ZBP1: variants seen among roughly 807,000 people sequenced by gnomAD.
ZBP1 encodes Z-DNA-binding protein 1.
Under a neutral mutation model 41.1 loss-of-function variants are expected in ZBP1, and 42 were observed. That is an observed-to-expected ratio of 1.02 (90% CI 0.80 to 1.32). ZBP1 has a LOEUF of 1.32. ZBP1 is among the 40% of genes most tolerant of loss of function. The pLI, the probability that ZBP1 is intolerant of heterozygous loss-of-function variation, is 0.00. For missense variants in ZBP1, 562 were observed against 549.7 expected (o/e 1.02, Z -0.22); for synonymous variants, 214 against 205.2 (o/e 1.04, Z -0.37).
At chr20:57,607,120 T>C in intron 7 of ZBP1, 4 of 1,304,298 alleles carry the variant, frequency 3.1e-6, no homozygotes, top group Non-Finnish European at 4.0e-6. Flanking sequence ...ATTCCTCAGA[T>C]GGATCTGGGC....
intron 7 of ZBP1, among the ~76,000 whole-genome samples, chr20:57,609,895 T>A (rs1451541575): frequency 6.6e-6 from 1 of 152,198 alleles, no homozygotes; most frequent in Non-Finnish European, 1.5e-5. Flanking sequence ...TGCTTCAGGC[T>A]ATTCTTGCCA....
At chr20:57,608,943 A>G (rs1406186312) in intron 7 of ZBP1, among the ~76,000 whole-genome samples, 2 of 152,194 alleles carry the variant, frequency 1.3e-5, no homozygotes, top group Non-Finnish European at 2.9e-5. Context: ...CAGATCCCAA[A>G]AGGGTAGGAG....
chr20:57,614,530 CT>C (rs1305405923), intron 4 of ZBP1, among the ~76,000 whole-genome samples: 2 of 152,086 alleles, frequency 1.3e-5, no homozygotes, highest in African/African-American at 2.4e-5. Flanking sequence ...CTAGTCTTGC[CT>C]TCTCTTCTGC....
chr20:57,612,532 C>T, intron 5 of ZBP1, among the ~76,000 whole-genome samples: 1 of 151,138 alleles, frequency 6.6e-6, no homozygotes, highest in African/African-American at 2.4e-5. Flanking sequence ...GAAAGGTTCT[C>T]CCAAGGTTAC....
At chr20:57,616,601 A>G in intron 1 of ZBP1, 133 bp from the exon 2 acceptor site, 1 of 831,788 alleles carries the variant, frequency 1.2e-6, no homozygotes, top group Non-Finnish European at 1.9e-6. Flanking sequence ...AAGGGCAAGG[A>G]CCCCAGCAGA....
chr20:57,616,688 C>T (rs774936310), intron 1 of ZBP1: 144 of 573,100 alleles, frequency 2.5e-4, no homozygotes, highest in Admixed American at 2.1e-4. Context: ...GCCTTGGCTG[C>T]GCAGCCTGGT....
intron 3 of ZBP1, 74 bp downstream of exon 3, chr20:57,615,438 C>T (rs76590876): frequency 1.7e-5 from 26 of 1,526,250 alleles, no homozygotes; most frequent in Non-Finnish European, 2.4e-5. Context: ...ATCTTGTACC[C>T]TCAAGGAGGG....
intron 2 of ZBP1, chr20:57,616,024 C>T: frequency 1.7e-6 from 1 of 601,362 alleles, no homozygotes; most frequent in East Asian, 2.8e-5. Context: ...GTGTGCAGGG[C>T]TGGGCTGAGC....
chr20:57,613,454 G>T lies in ZBP1; in HGVS notation c.503-124C>A, dbSNP rs770688878. 13 of 1,020,250 alleles carry T rather than the reference G, an allele frequency of 1.3e-5. No individual in the cohort carries two copies. Among genetic ancestry groups the T allele is most frequent in the Non-Finnish European group, 1.9e-5 (13 of 682,202 alleles). The allele number at this position is 1,020,250 out of a possible 1,614,324, so 63.2% of individuals were successfully genotyped here. A position where few individuals can be genotyped will look rare whatever the true frequency, so the allele number is the denominator to read the frequency against. On this transcript the variant is annotated intron_variant, in intron 4 of 7. Coordinates refer to ENST00000371173, the MANE Select transcript of ZBP1 (RefSeq NM_030776.3). This position sits in a 1 kb window ranked among gnomAD's most constrained non-coding sequence, Gnocchi z 4.5. The stretch of plus-strand genomic sequence containing the variant: ...AAAATACCCTGGGCGTTCCGAGTCA[G>T]TAGGGCCAAGTGGGAGGCCAGAGCT...
At chr20:57,616,804 G>C in intron 1 of ZBP1, 2 of 334,516 alleles carry the variant, frequency 6.0e-6, no homozygotes, top group South Asian at 6.4e-5. Flanking sequence ...GGGAGTAGAG[G>C]GCAGAAGGAC....
chr20:57,614,837 A>G, intron 4 of ZBP1, 50 bp downstream of exon 4: 1 of 1,604,894 alleles, frequency 6.2e-7, no homozygotes, highest in Non-Finnish European at 8.5e-7. Context: ...ACCAAGCACT[A>G]GTGTCATGGT....
Position 57,604,209 on chromosome 20 carries a change from A to G in ZBP1, c.*364T>C. ...TTGATATGAATTTTGTTGGGACTCA[A>G]ACATTCAAACCACAGCAGGTAGCCA... On this transcript the variant is annotated 3_prime_UTR_variant, in exon 8 of 8. Coordinates refer to ENST00000371173, the MANE Select transcript of ZBP1 (RefSeq NM_030776.3). The G allele has an allele frequency of 1.3e-5, 5 of 378,160 alleles. 1 individual carries two copies. Among genetic ancestry groups the G allele is most frequent in the South Asian group, 1.1e-4 (5 of 47,600 alleles). The allele number at this position is 378,160 out of a possible 1,614,324, so 23.4% of individuals were successfully genotyped here.
rs2070454106 is a variant in ZBP1 at position 57,604,753 on chromosome 20, G to A, written c.1110C>T (p.Asp370=). 1.2e-6 allele frequency: 2 copies of A among 1,613,922 alleles called. No homozygotes were observed. The highest frequency in any genetic ancestry group is 1.7e-6 in the Non-Finnish European group (2 of 1,179,866). ...GAGGAAAGTGACTTCTGGATTGTGT[G>A]TCTGCGGGACGACGACCTAGGGAAG... ...PGEDAGRRPA[D]TQSRSHFPRD... is the part of the protein sequence containing the mutation. The change falls in exon 8 of 8, where the codon GAC becomes GAT. Residue 370 remains aspartate, a synonymous_variant. Coordinates refer to ENST00000371173, the MANE Select transcript of ZBP1 (RefSeq NM_030776.3).
At chr20:57,619,033 G>C (rs955500218) in intron 1 of ZBP1, among the ~76,000 whole-genome samples, 3 of 152,216 alleles carry the variant, frequency 2.0e-5, no homozygotes, top group Non-Finnish European at 2.9e-5. Context: ...GTCTGAAAAT[G>C]GGAAATTGTA....
In ZBP1 at chr20:57,604,681, G is replaced by C. The variant is rs767541414; in HGVS notation, c.1182C>G (p.Pro394=). The C allele has an allele frequency of 6.2e-7, 1 of 1,614,192 alleles. No homozygotes were observed. Among genetic ancestry groups the C allele is most frequent in the Admixed American group, 1.7e-5 (1 of 60,016 alleles). ...PITPSHSKLT[P]KLETMTLGNR... ...TTCCAAGAGTCATAGTTTCCAGCTT[G>C]GGGGTGAGCTTCGAGTGGCTGGGAG... Residue 394 remains proline (P), a synonymous_variant, in exon 8 of 8, where the codon CCC becomes CCG. Coordinates refer to ENST00000371173, the MANE Select transcript of ZBP1 (RefSeq NM_030776.3).
At chr20:57,608,306 T>C (rs965919077) in intron 7 of ZBP1, among the ~76,000 whole-genome samples, 26 of 152,156 alleles carry the variant, frequency 1.7e-4, no homozygotes, top group African/African-American at 5.8e-4. Context: ...TATTTTTTAG[T>C]AGAGAGAGGG....
At chr20:57,609,928 C>G (rs533407221) in intron 7 of ZBP1, among the ~76,000 whole-genome samples, 18 of 152,186 alleles carry the variant, frequency 1.2e-4, no homozygotes, top group Non-Finnish European at 1.9e-4. Context: ...GCTAAGGAGA[C>G]AGAGGCTCCT....
In ZBP1 at chr20:57,611,851, C is replaced by A; in HGVS notation, c.750G>T (p.Gly250=). 6.3e-7 allele frequency: 1 copy of A among 1,595,864 alleles called. No individual in the cohort carries two copies. The highest frequency in any genetic ancestry group is 2.3e-5 in the East Asian group (1 of 44,288). ...ACTGCTCCATGTGGATGTCCTGGGGCCCCCAGGGATCAACTAGGGTCCCCC... is the reference window on the plus strand; with the variant it reads ...ACTGCTCCATGTGGATGTCCTGGGGACCCCAGGGATCAACTAGGGTCCCCC... ...STWGTLVDPW[G]PQDIHMEQSI... is the part of the protein sequence containing the mutation. Residue 250 remains glycine (G), a synonymous_variant, in exon 6 of 8, where the codon GGG becomes GGT. Coordinates refer to ENST00000371173, the MANE Select transcript of ZBP1 (RefSeq NM_030776.3).
chr20:57,616,716 C>T (rs1381849857), intron 1 of ZBP1: 1 of 512,926 alleles, frequency 1.9e-6, no homozygotes, highest in Non-Finnish European at 3.5e-6. Context: ...GGAGGTGCCA[C>T]CTCGCCTGTG....
Sources: gnomAD v4.1 joint callset for allele counts (sites outside exome capture counted in the v4.1 genomes callset) on GRCh38, gnomAD v4.1.1 for gene constraint, Gnocchi (gnomAD v3.1) non-coding constraint, MANE v1.5 for transcripts, NCBI Gene and HGNC (gene_info 2026-07-23, HGNC 2026-07-21) for gene names.